SRPK2: variants seen among roughly 807,000 people sequenced by gnomAD.
The protein encoded by SRPK2 is SFRS protein kinase 2.
Under a neutral mutation model 90.8 loss-of-function variants are expected in SRPK2, and 21 were observed. The ratio of observed to expected loss-of-function variants is 0.23; its 90% CI spans 0.16 to 0.33. The LOEUF is 0.33. Ranked by LOEUF, SRPK2 falls within the 10% of genes least tolerant of loss-of-function variation. SRPK2 has a pLI of 1.00. For synonymous variants in SRPK2, 288 were observed against 311.1 expected, an observed-to-expected ratio of 0.93 and a Z score of 0.78; for missense variants, 620 against 869.0, an observed-to-expected ratio of 0.71 and a Z score of 3.60.
At position 105,359,150 on chromosome 7, in the gene SRPK2, C is replaced by CTTTTT. The variant is rs35765090; in HGVS notation, c.71+29493_71+29497dup. Among the ~76,000 whole-genome samples the CTTTTT allele has an allele frequency of 1.5e-3, 83 of 54,830 alleles. 2 individuals carry two copies. The highest frequency in any genetic ancestry group is 3.3e-3 in the African/African-American group (44 of 13,226). 36.0% of individuals were successfully genotyped at this position (54,830 alleles called of 152,430 possible). On this transcript the variant is annotated intron_variant, in intron 2 of 15. Transcript: ENST00000393651. ...CAAACAAACCATATCCAAACCACAG[C>CTTTTT]TTTTTTTTTTTTTTTTTTTTTTTTT...
At chr7:105,167,505 G>C in intron 5 of SRPK2, 41 bp from the exon 6 acceptor site, 6 of 1,492,890 alleles carry the variant, frequency 4.0e-6, no homozygotes, top group Non-Finnish European at 5.6e-6. Context: ...AGGAGTTTGA[G>C]ACAAAGCATG....
chr7:105,253,837 G>C (rs1024996637), intron 2 of SRPK2, among the ~76,000 whole-genome samples: 7 of 152,084 alleles, frequency 4.6e-5, no homozygotes, highest in Non-Finnish European at 1.0e-4. Context: ...AACCAATCAT[G>C]AGGCCATGGT....
At chr7:105,243,649 A>C (rs977580325) in intron 2 of SRPK2, among the ~76,000 whole-genome samples, 19 of 144,796 alleles carry the variant, frequency 1.3e-4, no homozygotes, top group Admixed American at 9.9e-4. Flanking sequence ...AAAAAAAAAA[A>C]ACCACATGCC....
At chr7:105,159,448 CAAAAAAAAAAAAA>C (rs765544583) in intron 7 of SRPK2, among the ~76,000 whole-genome samples, 3 of 33,140 alleles carry the variant, frequency 9.1e-5, no homozygotes, top group South Asian at 1.6e-3. Flanking sequence ...ACTCCGTCTC[CAAAAAAAAAAAAA>C]AAAAAAAAAA....
At chr7:105,295,082 T>G (rs1381992357) in intron 2 of SRPK2, among the ~76,000 whole-genome samples, 2 of 151,722 alleles carry the variant, frequency 1.3e-5, no homozygotes, top group Admixed American at 1.3e-4. Context: ...TGTGGTGGCA[T>G]GCGCCTGTAG....
chr7:105,167,889 G>A lies in SRPK2; in HGVS notation c.426+119C>T, dbSNP rs540543082. 3 of 794,040 alleles carry A rather than the reference G, an allele frequency of 3.8e-6. No individual in the cohort carries two copies. In the Admixed American group the frequency reaches 8.4e-5, roughly 22 times the overall value. 49.2% of individuals were successfully genotyped at this position (794,040 alleles called of 1,614,324 possible). On this transcript the variant is annotated intron_variant, in intron 5 of 15. Transcript: ENST00000393651. ...GCCTCCCAAAGTGCTGAGATTATAGGCATGAGCCACCGTGCCCAGCCAAAC... is the reference window on the plus strand; with the variant it reads ...GCCTCCCAAAGTGCTGAGATTATAGACATGAGCCACCGTGCCCAGCCAAAC...
chr7:105,383,549 T>G (rs1192038425), intron 2 of SRPK2, among the ~76,000 whole-genome samples: 1 of 151,544 alleles, frequency 6.6e-6, no homozygotes, highest in Non-Finnish European at 1.5e-5. Flanking sequence ...GCCTCCCGAG[T>G]AGCTGGAACT....
chr7:105,327,640 G>A (rs1010055234), intron 2 of SRPK2, among the ~76,000 whole-genome samples: 3 of 152,212 alleles, frequency 2.0e-5, no homozygotes, highest in African/African-American at 7.2e-5. Context: ...AGATGCTGAA[G>A]GGTGAGGCCC....
intron 7 of SRPK2, among the ~76,000 whole-genome samples, chr7:105,150,419 C>G (rs1359175948): frequency 1.3e-5 from 2 of 152,200 alleles, no homozygotes; most frequent in African/African-American, 4.8e-5. Context: ...CCTGTAATCC[C>G]AGCTACTCAA....
intron 2 of SRPK2, among the ~76,000 whole-genome samples, chr7:105,353,912 G>GAGAC (rs1364068862): frequency 1.3e-5 from 2 of 152,140 alleles, no homozygotes; most frequent in Admixed American, 1.3e-4. Context: ...TCTCCCCAGG[G>GAGAC]AGACTGAGAG....
At chr7:105,379,156 AATATAT>A (rs56847291) in intron 2 of SRPK2, among the ~76,000 whole-genome samples, 2,478 of 150,426 alleles carry the variant, frequency 0.016, 63 homozygotes, top group African/African-American at 0.056. Flanking sequence ...TCTAAAAAAA[AATATAT>A]ATATATATAT....
rs377590951 is a variant in SRPK2, at chr7:105,141,701, C to T, written c.1543+307G>A. On this transcript the variant is annotated intron_variant, in intron 11 of 15. Transcript: ENST00000393651. ...AAGAAGATACGAATTTTAAACTAAA[C>T]TACACATTCTAGAAAGGTGTAAGTT... Among the ~76,000 whole-genome samples, 14 of 152,282 alleles carry T rather than the reference C, an allele frequency of 9.2e-5. No homozygotes were observed. The East Asian group carries it at 1.9e-3, about 21-fold the overall frequency.
intron 15 of SRPK2, among the ~76,000 whole-genome samples, chr7:105,119,940 T>C (rs1205833283): frequency 2.0e-5 from 3 of 152,220 alleles, no homozygotes; most frequent in Non-Finnish European, 4.4e-5. Flanking sequence ...TGGGAGAAGA[T>C]CATGGTACAA....
At chr7:105,372,716 AT>A (rs1049279936) in intron 2 of SRPK2, among the ~76,000 whole-genome samples, 3 of 152,090 alleles carry the variant, frequency 2.0e-5, no homozygotes, top group Admixed American at 6.6e-5. Context: ...CCAGGTAATG[AT>A]TTTTTTTAAT....
intron 15 of SRPK2, 135 bp from the exon 16 acceptor site, chr7:105,118,157 G>C: frequency 1.2e-6 from 1 of 800,356 alleles, no homozygotes; most frequent in Non-Finnish European, 2.0e-6. Context: ...AAGAACACCA[G>C]CTTTTCCCCA....
At chr7:105,396,981 A>T (rs1298747408) in intron 1 of SRPK2, among the ~76,000 whole-genome samples, 1 of 151,816 alleles carries the variant, frequency 6.6e-6, no homozygotes, top group East Asian at 1.9e-4. Flanking sequence ...TTATTTTTTT[A>T]TTTTTATTTT....
chr7:105,218,053 G>A (rs1797673560), intron 2 of SRPK2, among the ~76,000 whole-genome samples: 1 of 152,184 alleles, frequency 6.6e-6, no homozygotes, highest in Non-Finnish European at 1.5e-5. Context: ...ATCTAGCTAG[G>A]AAAGGGCGTT....
chr7:105,160,063 A>AT (rs1410497322), intron 7 of SRPK2, among the ~76,000 whole-genome samples: 5 of 152,238 alleles, frequency 3.3e-5, no homozygotes, highest in Non-Finnish European at 7.3e-5. Flanking sequence ...GATCTGCAGA[A>AT]TTTAACCACG....
chr7:105,294,810 G>T (rs1330313255), intron 2 of SRPK2, among the ~76,000 whole-genome samples: 1 of 152,152 alleles, frequency 6.6e-6, no homozygotes, highest in Non-Finnish European at 1.5e-5. Context: ...ACAGGTGTGA[G>T]CCACCGCACC....
Sources: allele counts gnomAD v4.1 joint callset (sites outside exome capture counted in the v4.1 genomes callset), GRCh38; gene constraint gnomAD v4.1.1; transcripts MANE v1.5; gene names NCBI Gene and HGNC (gene_info 2026-07-23, HGNC 2026-07-21).